TCTN2: variants seen among roughly 807,000 people sequenced by gnomAD.
TCTN2 encodes tectonic-2.
A neutral mutation model predicts 83.4 loss-of-function variants in TCTN2; 66 were observed. The ratio of observed to expected loss-of-function variants is 0.79; its 90% CI spans 0.65 to 0.97. The LOEUF (loss-of-function observed/expected upper bound fraction) is 0.97, where lower values mean the gene tolerates loss of function less well. Among genes scored for constraint, TCTN2 ranks in the 50% least tolerant of loss-of-function variants. The pLI is 0.00. For synonymous variants in TCTN2, 301 were observed against 326.7 expected, an observed-to-expected ratio of 0.92 and a Z score of 0.85; for missense variants, 794 against 858.1, an observed-to-expected ratio of 0.93 and a Z score of 0.93.
At chr12:123,703,329 G>A (rs1956193759) in intron 14 of TCTN2, among the ~76,000 whole-genome samples, 2 of 151,860 alleles carry the variant, frequency 1.3e-5, no homozygotes, top group Non-Finnish European at 2.9e-5. Context: ...TTACAGGTGT[G>A]CGCCACCATA....
intron 6 of TCTN2, 61 bp from the exon 7 acceptor site, chr12:123,687,990 A>T: frequency 1.2e-6 from 2 of 1,602,890 alleles, no homozygotes; most frequent in South Asian, 2.2e-5. Flanking sequence ...GAACAACATT[A>T]AGGAAGAATT....
chr12:123,707,821 C>T lies in TCTN2; in HGVS notation c.*108C>T. ...CCTCCTCTTGGGTTCAAGCGATTCT[C>T]CTGCCTCAGCCTCCGGAGAACTGGG... On this transcript the variant is annotated 3_prime_UTR_variant, in exon 18 of 18. Coordinates refer to ENST00000303372, the MANE Select transcript of TCTN2 (RefSeq NM_024809.5). 1 of 826,250 alleles carries T rather than the reference C, an allele frequency of 1.2e-6. No homozygotes were observed. The highest frequency in any genetic ancestry group is 2.1e-6 in the Non-Finnish European group (1 of 483,484). The allele number at this position is 826,250 out of a possible 1,614,324, so 51.2% of individuals were successfully genotyped here. A position where few individuals can be genotyped will look rare whatever the true frequency, so the allele number is the denominator to read the frequency against.
At chr12:123,703,960 G>T (rs1361428949) in intron 14 of TCTN2, among the ~76,000 whole-genome samples, 3 of 151,652 alleles carry the variant, frequency 2.0e-5, no homozygotes, top group Non-Finnish European at 4.4e-5. Flanking sequence ...TAATATGTGG[G>T]TCAGGGCTTT....
chr12:123,673,394 C>T (rs528293097), intron 3 of TCTN2, among the ~76,000 whole-genome samples: 1 of 152,214 alleles, frequency 6.6e-6, no homozygotes, highest in Admixed American at 6.5e-5. Flanking sequence ...CTCTAAGTAT[C>T]CCGAAGTTGT....
chr12:123,683,479 C>G (rs1955924829), intron 5 of TCTN2, among the ~76,000 whole-genome samples: 1 of 151,338 alleles, frequency 6.6e-6, no homozygotes, highest in African/African-American at 2.4e-5. Flanking sequence ...TGGAGTTTTG[C>G]CGTGTTGGCC....
Position 123,671,493 on chromosome 12 carries a change from T to G in TCTN2, c.83-14T>G. The G allele has an allele frequency of 6.2e-7, 1 of 1,613,806 alleles. No individual in the cohort carries two copies. Among genetic ancestry groups the G allele is most frequent in the Non-Finnish European group, 8.5e-7 (1 of 1,179,686 alleles). ...ACTGCTAACCCCTCCTTGTCCCCTT[T>G]CCTTCCCGCCTAGCTTTCATCCCTC... On this transcript the variant is annotated splice_polypyrimidine_tract_variant and intron_variant, in intron 1 of 17. Coordinates refer to ENST00000303372, the MANE Select transcript of TCTN2 (RefSeq NM_024809.5).
chr12:123,690,269 T>G (rs1956025158), intron 7 of TCTN2, among the ~76,000 whole-genome samples: 1 of 152,226 alleles, frequency 6.6e-6, no homozygotes, highest in South Asian at 2.1e-4. Context: ...CTCTGCAAAC[T>G]AAATAGAACA....
chr12:123,698,512 G>A (rs1215794994), intron 13 of TCTN2, among the ~76,000 whole-genome samples: 1 of 151,828 alleles, frequency 6.6e-6, no homozygotes, highest in Non-Finnish European at 1.5e-5. Flanking sequence ...ATCACGGCTC[G>A]TTGCAGCCTG....
intron 8 of TCTN2, among the ~76,000 whole-genome samples, chr12:123,691,898 A>AT (rs35116981): frequency 3.9e-4 from 54 of 139,340 alleles, no homozygotes; most frequent in Admixed American, 3.6e-4. Flanking sequence ...CACCTGGCTA[A>AT]TTTTTTTTTT....
Position 123,671,186 on chromosome 12 carries a change from C to A in TCTN2, c.-55C>A, listed in dbSNP as rs78846567. ...GCTGCGTTTTCGTGTCTGAGTCCTT[C>A]CTGGGTTCTAATGAGGGCGCGGTTC... On this transcript the variant is annotated 5_prime_UTR_variant, in exon 1 of 18. Coordinates refer to ENST00000303372, the MANE Select transcript of TCTN2 (RefSeq NM_024809.5). 76,698 of 1,539,316 alleles carry A rather than the reference C, an allele frequency of 0.05. 2,134 individuals are homozygous for A. Among genetic ancestry groups the A allele is most frequent in the Middle Eastern group, 0.059 (353 of 5,950 alleles).
intron 11 of TCTN2, 42 bp from the exon 12 acceptor site, chr12:123,696,373 C>A: frequency 6.6e-7 from 1 of 1,519,944 alleles, no homozygotes; most frequent in Non-Finnish European, 9.1e-7. Flanking sequence ...GCTTGCTATG[C>A]TGGAGGAAAC....
intron 7 of TCTN2, among the ~76,000 whole-genome samples, chr12:123,689,308 G>A (rs1327435894): frequency 6.6e-6 from 1 of 151,316 alleles, no homozygotes; most frequent in Non-Finnish European, 1.5e-5. Flanking sequence ...TGCCCACTTT[G>A]GCCTCCCAAT....
chr12:123,671,127 T>C lies in TCTN2; in HGVS notation c.-114T>C, dbSNP rs1185111511. ...TGGTGGTTGCCATAGCTCCGGGCGT[T>C]CGCTTGCAAGATGGCGGCGGCGGGG... On this transcript the variant is annotated 5_prime_UTR_variant, in exon 1 of 18. Transcript: ENST00000303372. The C allele has an allele frequency of 9.4e-7, 1 of 1,062,384 alleles. No homozygotes were observed. The highest frequency in any genetic ancestry group is 1.6e-5 in the African/African-American group (1 of 63,810). 65.8% of individuals were successfully genotyped at this position (1,062,384 alleles called of 1,614,324 possible).
intron 14 of TCTN2, among the ~76,000 whole-genome samples, chr12:123,701,736 C>T (rs1248269953): frequency 6.6e-6 from 1 of 150,976 alleles, no homozygotes; most frequent in African/African-American, 2.4e-5. Context: ...GAGCAAGACT[C>T]CGTCTCACAA....
At position 123,708,007 on chromosome 12, in the gene TCTN2, CTTTTTTTTTTTT is replaced by C; in HGVS notation, c.*306_*317del. 1 of 213,670 alleles carries C rather than the reference CTTTTTTTTTTTT, an allele frequency of 4.7e-6. No homozygotes were observed. The highest frequency in any genetic ancestry group is 8.6e-6 in the Non-Finnish European group (1 of 115,848). The allele number at this position is 213,670 out of a possible 1,614,324, so 13.2% of individuals were successfully genotyped here. On this transcript the variant is annotated 3_prime_UTR_variant, in exon 18 of 18. Transcript: ENST00000303372. ...ACAGGCATGAGCCACCGCACCCGGC[CTTTTTTTTTTTT>C]TTTTTTTTTTTGAGGCGGGGTCTCT...
chr12:123,695,063 A>C (rs1226333673), intron 10 of TCTN2, 87 bp downstream of exon 10: 1 of 1,561,840 alleles, frequency 6.4e-7, no homozygotes, highest in Non-Finnish European at 8.8e-7. Context: ...ATAACCCATA[A>C]AACTAAGTTG....
At chr12:123,689,410 A>T (rs1326297909) in intron 7 of TCTN2, among the ~76,000 whole-genome samples, 1 of 151,972 alleles carries the variant, frequency 6.6e-6, no homozygotes, top group Admixed American at 6.6e-5. Context: ...CGGGTCTTAA[A>T]CTCCTGGCCT....
intron 5 of TCTN2, among the ~76,000 whole-genome samples, chr12:123,684,717 A>T (rs1278466151): frequency 6.6e-6 from 1 of 151,996 alleles, no homozygotes; most frequent in Non-Finnish European, 1.5e-5. Flanking sequence ...TGATTTTTAC[A>T]CTAAAAATTA....
intron 15 of TCTN2, 21 bp downstream of exon 15, chr12:123,704,709 A>C (rs34734199): frequency 1.2e-6 from 2 of 1,613,576 alleles, no homozygotes; most frequent in Non-Finnish European, 1.7e-6. Context: ...ATCTTGGATC[A>C]CCGTAGTTTA....
Sources: allele counts gnomAD v4.1 joint callset (sites outside exome capture counted in the v4.1 genomes callset), GRCh38; gene constraint gnomAD v4.1.1; transcripts MANE v1.5; gene names NCBI Gene and HGNC (gene_info 2026-07-23, HGNC 2026-07-21).